The following SLC48A1 variants were observed in gnomAD, a reference collection of about 807,000 sequenced individuals.
The protein encoded by SLC48A1 is heme transporter HRG1.
SLC48A1 carries 6 observed loss-of-function variants against 14.8 expected under a neutral mutation model. The ratio of observed to expected loss-of-function variants is 0.41; its 90% CI spans 0.22 to 0.80. SLC48A1 has a LOEUF of 0.80. Among genes scored for constraint, SLC48A1 ranks in the 30% least tolerant of loss-of-function variants. The probability of loss-of-function intolerance (pLI) is 0.34; values close to 1 mark genes in which losing one functional copy is unlikely to be tolerated. For missense variants in SLC48A1, 165 were observed against 204.8 expected, an observed-to-expected ratio of 0.81 and a Z score of 1.19; for synonymous variants, 89 against 90.0, an observed-to-expected ratio of 0.99 and a Z score of 0.06.
intron 1 of SLC48A1, among the ~76,000 whole-genome samples, chr12:47,776,123 C>A (rs1177279767): frequency 3.3e-5 from 5 of 152,198 alleles, no homozygotes; most frequent in African/African-American, 9.7e-5. Context: ...CTGACCTAGG[C>A]CCAGTGTCCT....
At chr12:47,765,811 G>A (rs1467974808) in intron 2 of SLC48A1, among the ~76,000 whole-genome samples, 3 of 152,238 alleles carry the variant, frequency 2.0e-5, no homozygotes, top group Admixed American at 6.5e-5. Flanking sequence ...TCAAAAATGC[G>A]TGCCTTGCGT....
Position 47,781,411 on chromosome 12 carries a change from CCT to C in SLC48A1, c.*1134_*1135del, listed in dbSNP as rs1440636907. On this transcript the variant is annotated 3_prime_UTR_variant, in exon 3 of 3. Coordinates refer to ENST00000442218, the MANE Select transcript of SLC48A1 (RefSeq NM_017842.3). Reference sequence around the variant, plus strand: ...AGAGACCTTCTCTCCCACTCCAGCCCCTCTCACTGCCCTTCAACTAGAGCTTT... The same window carrying C: ...AGAGACCTTCTCTCCCACTCCAGCCCCTCACTGCCCTTCAACTAGAGCTTT... 6.5e-6 allele frequency: 1 copy of C among 154,902 alleles called. No individual in the cohort carries two copies. Among genetic ancestry groups the C allele is most frequent in the Admixed American group, 6.3e-5 (1 of 15,850 alleles). The allele number at this position is 154,902 out of a possible 1,614,324, so 9.6% of individuals were successfully genotyped here.
At chr12:47,755,351 G>A (rs1941991634), upstream of SLC48A1, among the ~76,000 whole-genome samples, 1 of 152,180 alleles carries the variant, frequency 6.6e-6, no homozygotes, top group African/African-American at 2.4e-5. Context: ...TTTCAATAAT[G>A]TCTGGCACAT....
chr12:47,779,239 G>A (rs1425917175), intron 2 of SLC48A1, 44 bp downstream of exon 2: 51 of 1,524,124 alleles, frequency 3.3e-5, no homozygotes, highest in Non-Finnish European at 4.1e-5. Context: ...AGGGACAGCA[G>A]CGGGGATTTT....
At chr12:47,758,364 T>C, upstream of SLC48A1, 1 of 1,472,604 alleles carries the variant, frequency 6.8e-7, no homozygotes, top group Non-Finnish European at 9.0e-7. Context: ...TGCAGGGATC[T>C]CCACTACCTC....
chr12:47,773,270 G>A lies in SLC48A1; in HGVS notation c.-35G>A, dbSNP rs893408772. 5 of 1,331,886 alleles carry A rather than the reference G, an allele frequency of 3.8e-6. No homozygotes were observed. The highest frequency in any genetic ancestry group is 4.8e-6 in the Non-Finnish European group (5 of 1,038,284). The allele number at this position is 1,331,886 out of a possible 1,614,324, so 82.5% of individuals were successfully genotyped here. A position where few individuals can be genotyped will look rare whatever the true frequency, so the allele number is the denominator to read the frequency against. ...GGCCCTGCACCTGTGACTCTCGGCCGCGCTCGCCCTCGGCCCGCCCGGCGC... is the reference window on the plus strand; with the variant it reads ...GGCCCTGCACCTGTGACTCTCGGCCACGCTCGCCCTCGGCCCGCCCGGCGC... On this transcript the variant is annotated 5_prime_UTR_variant, in exon 1 of 3. Coordinates refer to ENST00000442218, the MANE Select transcript of SLC48A1 (RefSeq NM_017842.3).
upstream of SLC48A1, chr12:47,758,355 G>T (rs1320121591): frequency 4.1e-6 from 6 of 1,461,774 alleles, no homozygotes; most frequent in Non-Finnish European, 5.4e-6. Flanking sequence ...CCATGCCCCT[G>T]CAGGGATCTC....
upstream of SLC48A1, chr12:47,757,921 G>T (rs749960218): frequency 6.4e-7 from 1 of 1,556,814 alleles, no homozygotes; most frequent in Non-Finnish European, 8.7e-7. Flanking sequence ...CAGCTGGTAG[G>T]AGCAGCTTCG....
chr12:47,758,701 A>G, intron 1 of SLC48A1: 1 of 1,420,582 alleles, frequency 7.0e-7, no homozygotes, highest in Admixed American at 2.4e-5. Flanking sequence ...GCCTAGCTGG[A>G]CTGGCTGCCA....
chr12:47,766,092 T>C (rs192449002), intron 2 of SLC48A1, among the ~76,000 whole-genome samples: 92 of 152,340 alleles, frequency 6.0e-4, no homozygotes, highest in African/African-American at 2.1e-3. Flanking sequence ...TTGGGGCCCC[T>C]GCTCTGGACT....
intron 1 of SLC48A1, among the ~76,000 whole-genome samples, chr12:47,775,498 G>A (rs1380414709): frequency 1.3e-5 from 2 of 152,214 alleles, no homozygotes; most frequent in Admixed American, 6.5e-5. Flanking sequence ...GGTGGTGGTG[G>A]ATGGTGGCAG....
upstream of SLC48A1, chr12:47,770,852 C>G (rs759141701): frequency 2.2e-6 from 1 of 456,618 alleles, no homozygotes; most frequent in East Asian, 6.9e-5. Context: ...CCACAAACGA[C>G]TTACAGTTTC....
At chr12:47,768,342 G>C (rs1277892443), upstream of SLC48A1, among the ~76,000 whole-genome samples, 2 of 152,172 alleles carry the variant, frequency 1.3e-5, no homozygotes, top group Non-Finnish European at 2.9e-5. Flanking sequence ...GGGGAAAGAC[G>C]AACAGAGGAG....
upstream of SLC48A1, chr12:47,770,749 A>G (rs1323671841): frequency 4.5e-6 from 2 of 449,424 alleles, no homozygotes. Context: ...GGGGAGGGGG[A>G]CAGCCTTCTT....
In SLC48A1 at chr12:47,779,098, G is replaced by C. The variant is rs1001575494; in HGVS notation, c.207G>C (p.Lys69Asn). The C allele has an allele frequency of 1.9e-6, 3 of 1,551,750 alleles. No homozygotes were observed. In the African/African-American group the frequency reaches 4.1e-5, roughly 21 times the overall value. ...AAGATTATTGGAGGACCTGGCTCAAGGGGCTGCGCGGCTTCTTCTTCGTGG... is the reference window on the plus strand; with the variant it reads ...AAGATTATTGGAGGACCTGGCTCAACGGGCTGCGCGGCTTCTTCTTCGTGG... ...YMQDYWRTWLKGLRGFFFVGV... is the reference protein window; with the variant it reads ...YMQDYWRTWLNGLRGFFFVGV... Residue 69 changes from lysine to asparagine, a missense_variant, in exon 2 of 3, where the codon AAG (lysine) becomes AAC (asparagine). Coordinates refer to ENST00000442218, the MANE Select transcript of SLC48A1 (RefSeq NM_017842.3).
chr12:47,773,827 C>G (rs1030975898), intron 1 of SLC48A1, among the ~76,000 whole-genome samples: 3 of 152,104 alleles, frequency 2.0e-5, no homozygotes, highest in African/African-American at 7.2e-5. Flanking sequence ...CACACACACA[C>G]ACGCACACAC....
chr12:47,762,686 T>C (rs1323894659), intron 2 of SLC48A1, among the ~76,000 whole-genome samples: 2 of 152,352 alleles, frequency 1.3e-5, no homozygotes, highest in Admixed American at 1.3e-4. Flanking sequence ...GGAGACGAAG[T>C]AACTTTCCCA....
At chr12:47,773,499 A>G in intron 1 of SLC48A1, 59 bp downstream of exon 1, 2 of 1,277,620 alleles carry the variant, frequency 1.6e-6, no homozygotes, top group Admixed American at 4.3e-5. Flanking sequence ...GGGCGCCGTC[A>G]GCTGCTCCAG....
upstream of SLC48A1, chr12:47,757,977 C>T (rs201123081): frequency 2.9e-4 from 450 of 1,566,716 alleles, 2 homozygotes; most frequent in African/African-American, 5.1e-3. Context: ...GTGTCCCCTC[C>T]GGCACCACGT....
Sources: gnomAD v4.1 joint callset for allele counts (sites outside exome capture counted in the v4.1 genomes callset) on GRCh38, gnomAD v4.1.1 for gene constraint, MANE v1.5 for transcripts, NCBI Gene and HGNC (gene_info 2026-07-23, HGNC 2026-07-21) for gene names.